The following DIAPH2 variants were observed in gnomAD, a reference collection of about 807,000 sequenced individuals.
DIAPH2 encodes diaphanous related formin 2, also known as protein diaphanous homolog 2.
Under a neutral mutation model 92.7 loss-of-function variants are expected in DIAPH2, and 35 were observed. The observed-to-expected ratio is 0.38, with a 90% CI of 0.29 to 0.50. The LOEUF is 0.50. Among genes scored for constraint, DIAPH2 ranks in the 20% least tolerant of loss-of-function variants. The pLI, the probability that DIAPH2 is intolerant of heterozygous loss-of-function variation, is 0.94. For synonymous variants in DIAPH2, 301 were observed against 280.4 expected (o/e 1.07, Z -0.73); for missense variants, 701 against 819.5 (o/e 0.86, Z 1.77).
At chrX:96,944,403 ATACAATTTGAT>A (rs2065725588) in intron 13 of DIAPH2, among the ~76,000 whole-genome samples, 1 of 111,765 alleles carries the variant, frequency 8.9e-6, no homozygotes, top group Non-Finnish European at 1.9e-5. Flanking sequence ...TATTTAAGGT[ATACAATTTGAT>A]AAATTTTGCT....
intron 17 of DIAPH2, among the ~76,000 whole-genome samples, chrX:97,011,818 G>A (rs905176325): frequency 9.7e-6 from 1 of 103,017 alleles, no homozygotes; most frequent in Admixed American, 1.1e-4. Context: ...CTGGACCCTG[G>A]GAGGTGGAGG....
chrX:96,942,347 A>C (rs2065710624), intron 13 of DIAPH2, among the ~76,000 whole-genome samples: 1 of 110,569 alleles, frequency 9.0e-6, no homozygotes, highest in Non-Finnish European at 1.9e-5. Context: ...AGAAATATTA[A>C]CCTGTTTAAT....
At chrX:96,743,811 A>G (rs1306003892) in intron 3 of DIAPH2, among the ~76,000 whole-genome samples, 1 of 111,383 alleles carries the variant, frequency 9.0e-6, no homozygotes, top group East Asian at 2.8e-4. Context: ...TGTATTTTTG[A>G]AAAATGCTAA....
chrX:96,751,544 C>A (rs1179612448), intron 3 of DIAPH2, among the ~76,000 whole-genome samples: 10 of 100,750 alleles, frequency 9.9e-5, no homozygotes, highest in Non-Finnish European at 1.8e-4. Context: ...ACACTGCACT[C>A]CAGCCTGGGT....
At chrX:97,350,127 T>C (rs2069198101) in intron 24 of DIAPH2, among the ~76,000 whole-genome samples, 1 of 109,579 alleles carries the variant, frequency 9.1e-6, no homozygotes, top group Non-Finnish European at 1.9e-5. Context: ...CTGGCCAACA[T>C]GGTGAAACCC....
At chrX:97,057,546 C>T (rs755062129) in intron 17 of DIAPH2, among the ~76,000 whole-genome samples, 2 of 111,734 alleles carry the variant, frequency 1.8e-5, no homozygotes, top group Non-Finnish European at 3.8e-5. Context: ...TACCATTAGG[C>T]CTGCACAGTG....
intron 24 of DIAPH2, among the ~76,000 whole-genome samples, chrX:97,382,833 T>A (rs956160815): frequency 8.0e-5 from 9 of 112,293 alleles, no homozygotes; most frequent in Admixed American, 6.6e-4. Context: ...AAGAAAAAAA[T>A]TATTTCAATA....
At chrX:96,782,501 G>C (rs2064425806) in intron 4 of DIAPH2, among the ~76,000 whole-genome samples, 1 of 111,771 alleles carries the variant, frequency 8.9e-6, no homozygotes, top group African/African-American at 3.3e-5. Flanking sequence ...GTTTCACCGT[G>C]TTATAACCAG....
chrX:97,056,343 G>T (rs28680552), intron 17 of DIAPH2, among the ~76,000 whole-genome samples: 4,371 of 111,301 alleles, frequency 0.039, 81 homozygotes, highest in Middle Eastern at 0.065. Context: ...AGTAGGCTAG[G>T]TTTTATATTA....
chrX:96,927,352 C>T (rs1459536725), intron 9 of DIAPH2, among the ~76,000 whole-genome samples: 1 of 98,908 alleles, frequency 1.0e-5, no homozygotes, highest in African/African-American at 3.8e-5. Context: ...GTACACTCAT[C>T]TCTTAAAGAT....
chrX:97,025,093 G>C (rs1438792487), intron 17 of DIAPH2, among the ~76,000 whole-genome samples: 1 of 112,399 alleles, frequency 8.9e-6, no homozygotes, highest in Non-Finnish European at 1.9e-5. Context: ...GCTCACGCCT[G>C]TAATCCCAGC....
chrX:97,451,343 A>T (rs888761736), intron 26 of DIAPH2, among the ~76,000 whole-genome samples: 6 of 111,414 alleles, frequency 5.4e-5, no homozygotes, highest in African/African-American at 2.0e-4. Context: ...TACCTGCCGC[A>T]TCTCCAACAG....
At chrX:97,156,601 A>G (rs1013567127) in intron 22 of DIAPH2, among the ~76,000 whole-genome samples, 1 of 111,980 alleles carries the variant, frequency 8.9e-6, no homozygotes, top group Non-Finnish European at 1.9e-5. Flanking sequence ...GAGCCATAGC[A>G]GTGAGACTAG....
At chrX:97,500,775 T>TATCC (rs1439738028) in intron 26 of DIAPH2, among the ~76,000 whole-genome samples, 7 of 79,221 alleles carry the variant, frequency 8.8e-5, no homozygotes, top group Non-Finnish European at 1.3e-4. Flanking sequence ...TATATATATA[T>TATCC]ATATATATAT....
chrX:97,052,526 G>A (rs1378551752), intron 17 of DIAPH2, among the ~76,000 whole-genome samples: 2 of 110,563 alleles, frequency 1.8e-5, no homozygotes, highest in African/African-American at 6.6e-5. Flanking sequence ...TAAGAAATTT[G>A]GAAGCATTGA....
chrX:96,863,518 A>G (rs1323868430), intron 4 of DIAPH2, among the ~76,000 whole-genome samples: 5 of 110,690 alleles, frequency 4.5e-5, no homozygotes, highest in Non-Finnish European at 9.4e-5. Context: ...ATGTATCTAA[A>G]ATCCTCTTAC....
chrX:96,767,147 A>G (rs2064309300), intron 4 of DIAPH2, among the ~76,000 whole-genome samples: 1 of 111,307 alleles, frequency 9.0e-6, no homozygotes. Flanking sequence ...TCTTAACTTT[A>G]TCTTATAGTT....
chrX:97,467,528 C>G (rs781692958), intron 26 of DIAPH2, among the ~76,000 whole-genome samples: 20 of 112,179 alleles, frequency 1.8e-4, no homozygotes, highest in Non-Finnish European at 3.8e-4. Context: ...GATCCTGAAT[C>G]ATTCCTGCCC....
At chrX:97,444,192 G>T (rs916723599) in intron 26 of DIAPH2, among the ~76,000 whole-genome samples, 1 of 111,379 alleles carries the variant, frequency 9.0e-6, no homozygotes, top group Admixed American at 9.6e-5. Flanking sequence ...ACTTGGGAAG[G>T]TTTTAGCTTC....
Sources: gnomAD v4.1 joint callset for allele counts (sites outside exome capture counted in the v4.1 genomes callset) on GRCh38, gnomAD v4.1.1 for gene constraint, MANE v1.5 for transcripts, NCBI Gene and HGNC (gene_info 2026-07-23, HGNC 2026-07-21) for gene names.